PDE11A: variants seen among roughly 807,000 people sequenced by gnomAD.
PDE11A encodes phosphodiesterase 11A.
A neutral mutation model predicts 100.5 loss-of-function variants in PDE11A; 100 were observed. The ratio of observed to expected loss-of-function variants is 1.00; its 90% CI spans 0.85 to 1.18. The LOEUF is 1.18. Ranked by LOEUF, PDE11A falls within the 50% of genes most tolerant of loss-of-function variation. The probability of loss-of-function intolerance (pLI) is 0.00; values close to 1 mark genes in which losing one functional copy is unlikely to be tolerated. For synonymous variants in PDE11A, 381 were observed against 420.8 expected (o/e 0.91, Z 1.16); for missense variants, 1,141 against 1,152.6 (o/e 0.99, Z 0.15).
intron 2 of PDE11A, among the ~76,000 whole-genome samples, chr2:177,996,055 C>T (rs2086069060): frequency 1.3e-5 from 2 of 151,920 alleles, no homozygotes; most frequent in Admixed American, 1.3e-4. Flanking sequence ...GGTGAAATCC[C>T]ATCTCTACTA....
chr2:177,831,650 C>T (rs928879511), intron 6 of PDE11A, among the ~76,000 whole-genome samples: 1 of 152,158 alleles, frequency 6.6e-6, no homozygotes, highest in African/African-American at 2.4e-5. Context: ...ACAATATGGT[C>T]CATGGGGCAA....
At position 177,827,477 on chromosome 2, in the gene PDE11A, T is replaced by G. The variant is rs527911374; in HGVS notation, c.1501-7182A>C. On this transcript the variant is annotated intron_variant, in intron 6 of 19. Transcript: ENST00000286063. ...GAATGAACCTTTTCTATTTAAATGT[T>G]GAGTCCAAGTGTTCATTCTTATTGT... is the stretch of plus-strand genomic sequence containing the variant. 1.3e-4 allele frequency among the ~76,000 whole-genome samples: 20 copies of G among 152,348 alleles called. No individual in the cohort carries two copies. In the East Asian group the frequency reaches 3.1e-3, roughly 24 times the overall value.
At chr2:177,807,143 A>T (rs950208522) in intron 9 of PDE11A, among the ~76,000 whole-genome samples, 1 of 152,146 alleles carries the variant, frequency 6.6e-6, no homozygotes, top group Admixed American at 6.6e-5. Flanking sequence ...AAAAACAAAG[A>T]TCTAAAAGGA....
At chr2:177,959,066 G>A (rs13405585) in intron 2 of PDE11A, among the ~76,000 whole-genome samples, 9,556 of 152,248 alleles carry the variant, frequency 0.063, 314 homozygotes, top group South Asian at 0.094. Flanking sequence ...TAAGAAAAGA[G>A]TAACTTGAAG....
chr2:178,016,131 ATTTTT>A (rs55638601), intron 1 of PDE11A, among the ~76,000 whole-genome samples: 4 of 83,744 alleles, frequency 4.8e-5, no homozygotes, highest in South Asian at 4.8e-4. Context: ...TGCCTGGCTA[ATTTTT>A]TTTTTTTTTT....
intron 5 of PDE11A, among the ~76,000 whole-genome samples, chr2:177,841,039 G>C (rs2083483095): frequency 6.6e-6 from 1 of 152,122 alleles, no homozygotes; most frequent in Non-Finnish European, 1.5e-5. Flanking sequence ...TAATGCAACA[G>C]ACCCTTAACA....
chr2:177,928,169 T>C (rs1225309679), intron 2 of PDE11A, among the ~76,000 whole-genome samples: 1 of 149,226 alleles, frequency 6.7e-6, no homozygotes, highest in Non-Finnish European at 1.5e-5. Context: ...TCTCATCTAA[T>C]GAATACTCAC....
At chr2:177,830,365 C>A (rs2083289493) in intron 6 of PDE11A, among the ~76,000 whole-genome samples, 1 of 151,976 alleles carries the variant, frequency 6.6e-6, no homozygotes. Context: ...TTTGGGAGGC[C>A]AAGGTGGGTG....
intron 1 of PDE11A, among the ~76,000 whole-genome samples, chr2:178,037,176 G>GA (rs1247057799): frequency 6.6e-6 from 1 of 151,896 alleles, no homozygotes; most frequent in Non-Finnish European, 1.5e-5. Context: ...AAATTTACAA[G>GA]AAAAAAACAA....
intron 5 of PDE11A, among the ~76,000 whole-genome samples, chr2:177,863,759 A>C (rs1344053391): frequency 6.6e-6 from 1 of 152,072 alleles, no homozygotes. Flanking sequence ...GATTGGTACA[A>C]CTATTATAGA....
intron 1 of PDE11A, among the ~76,000 whole-genome samples, chr2:178,057,332 A>G (rs2086911641): frequency 1.3e-5 from 2 of 152,216 alleles, no homozygotes; most frequent in Admixed American, 1.3e-4. Context: ...GTAGAGAAGT[A>G]CAGACTAGAA....
chr2:178,070,844 T>C (rs922052641), intron 1 of PDE11A, among the ~76,000 whole-genome samples: 2 of 152,244 alleles, frequency 1.3e-5, no homozygotes, highest in Non-Finnish European at 2.9e-5. Flanking sequence ...TGACTACAGA[T>C]AATGCTATAT....
chr2:177,649,127 G>C (rs2105457534), intron 19 of PDE11A, among the ~76,000 whole-genome samples: 1 of 152,144 alleles, frequency 6.6e-6, no homozygotes, highest in South Asian at 2.1e-4. Flanking sequence ...ACATTGTGTT[G>C]GTAAGGGCAT....
intron 4 of PDE11A, among the ~76,000 whole-genome samples, chr2:177,883,507 C>T (rs1351433657): frequency 6.6e-5 from 10 of 152,044 alleles, no homozygotes; most frequent in African/African-American, 2.4e-4. Flanking sequence ...AATGTTTCAC[C>T]ACAATGTATG....
chr2:177,677,312 A>T (rs2080791167), intron 16 of PDE11A, among the ~76,000 whole-genome samples: 2 of 152,194 alleles, frequency 1.3e-5, no homozygotes, highest in African/African-American at 2.4e-5. Context: ...AAGTTAAAAA[A>T]ATAAGGCTCA....
In PDE11A at chr2:177,769,764, G is replaced by A. The variant is rs566363184; in HGVS notation, c.1738-391C>T. On this transcript the variant is annotated intron_variant, in intron 9 of 19. Coordinates refer to ENST00000286063, the MANE Select transcript of PDE11A (RefSeq NM_016953.4). ...TAGCTGGGCATGGTGGTGTGTGTCT[G>A]TAGTCCCAGCTATTCAGGGAGGCTG... Among the ~76,000 whole-genome samples, 3 of 151,854 alleles carry A rather than the reference G, an allele frequency of 2.0e-5. No homozygotes were observed. In the East Asian group the frequency reaches 5.8e-4, roughly 30 times the overall value.
intron 2 of PDE11A, among the ~76,000 whole-genome samples, chr2:178,009,443 T>C (rs1246014201): frequency 1.3e-5 from 2 of 152,224 alleles, no homozygotes; most frequent in Admixed American, 6.5e-5. Flanking sequence ...TATGTGAATA[T>C]AGTAGGCTAT....
intron 2 of PDE11A, among the ~76,000 whole-genome samples, chr2:177,971,847 G>T (rs2085774512): frequency 6.6e-6 from 1 of 151,644 alleles, no homozygotes; most frequent in Non-Finnish European, 1.5e-5. Flanking sequence ...CTAGAAAATA[G>T]CAACCTCTAA....
At chr2:177,945,244 C>A (rs1184025234) in intron 2 of PDE11A, among the ~76,000 whole-genome samples, 57 of 151,250 alleles carry the variant, frequency 3.8e-4, no homozygotes, top group African/African-American at 1.3e-3. Context: ...GCCGCCACCC[C>A]GTCTGGGAAG....
Sources: allele counts gnomAD v4.1 joint callset (sites outside exome capture counted in the v4.1 genomes callset), GRCh38; gene constraint gnomAD v4.1.1; transcripts MANE v1.5; gene names NCBI Gene and HGNC (gene_info 2026-07-23, HGNC 2026-07-21).